Variants in CFHR4 observed in about 807,000 individuals in gnomAD.
CFHR4 encodes complement factor H-related protein 4.
A neutral mutation model predicts 69.3 loss-of-function variants in CFHR4; 64 were observed. The observed-to-expected ratio is 0.92, with a 90% CI of 0.76 to 1.14. The LOEUF is 1.14. Among genes scored for constraint, CFHR4 ranks in the 50% most tolerant of loss-of-function variants. The probability of loss-of-function intolerance (pLI) is 0.00; values close to 1 mark genes in which losing one functional copy is unlikely to be tolerated. For missense variants in CFHR4, 636 were observed against 684.9 expected (o/e 0.93, Z 0.80); for synonymous variants, 244 against 237.0 (o/e 1.03, Z -0.27).
chr1:196,902,923 T>G (rs1188202688), intron 2 of CFHR4, among the ~76,000 whole-genome samples: 2 of 151,590 alleles, frequency 1.3e-5, no homozygotes, highest in Non-Finnish European at 2.9e-5. Context: ...TTTTCTTGAG[T>G]CATACATCAT....
intron 1 of CFHR4, among the ~76,000 whole-genome samples, chr1:196,894,164 A>T (rs1475839814): frequency 6.6e-6 from 1 of 151,558 alleles, no homozygotes; most frequent in Non-Finnish European, 1.5e-5. Flanking sequence ...TTTACACATC[A>T]TGTGCCCAAA....
intron 1 of CFHR4, among the ~76,000 whole-genome samples, chr1:196,888,610 T>A (rs1453436914): frequency 6.6e-6 from 1 of 151,216 alleles, no homozygotes; most frequent in African/African-American, 2.4e-5. Context: ...CATACAGTGA[T>A]TTTTTATTGA....
intron 5 of CFHR4, among the ~76,000 whole-genome samples, chr1:196,909,976 ACT>A (rs1658150873): frequency 6.6e-6 from 1 of 150,936 alleles, no homozygotes. Flanking sequence ...ATATGGTAAA[ACT>A]CTGTGTCTAC....
At chr1:196,893,089 C>A (rs1246587590) in intron 1 of CFHR4, among the ~76,000 whole-genome samples, 1 of 151,648 alleles carries the variant, frequency 6.6e-6, no homozygotes, top group Non-Finnish European at 1.5e-5. Context: ...CACCAAATAG[C>A]ATATCTGTAA....
intron 1 of CFHR4, among the ~76,000 whole-genome samples, chr1:196,895,346 C>T (rs555774788): frequency 4.0e-5 from 6 of 151,510 alleles, no homozygotes; most frequent in African/African-American, 1.5e-4. Flanking sequence ...TCTATTAATG[C>T]CATTATTTCT....
chr1:196,913,114 T>A (rs577548616), intron 7 of CFHR4, among the ~76,000 whole-genome samples, 192 bp downstream of exon 7: 1 of 151,696 alleles, frequency 6.6e-6, no homozygotes, highest in South Asian at 2.1e-4. Context: ...GGGAAGATGA[T>A]CATTTCATCT....
At position 196,912,775 on chromosome 1, in the gene CFHR4, G is replaced by C; in HGVS notation, c.1033G>C (p.Gly345Arg). The change falls in exon 7 of 10, where the codon GGA becomes CGA. Residue 345 changes from glycine (G) to arginine (R), a missense_variant. This residue lies in a region of CFHR4 where 529 missense variants were observed against 533.2 expected (regional missense o/e 0.99). Transcript: ENST00000608469. ...AAAATCAGATATAGAAATTGAAAATGGATTCATTTCTGAATCTTCCTCTAT... is the reference window on the plus strand; with the variant it reads ...AAAATCAGATATAGAAATTGAAAATCGATTCATTTCTGAATCTTCCTCTAT... ...CSKSDIEIEN[G>R]FISESSSIYI... 1 of 1,596,208 alleles carries C rather than the reference G, an allele frequency of 6.3e-7. No individual in the cohort carries two copies. Among genetic ancestry groups the C allele is most frequent in the Non-Finnish European group, 8.5e-7 (1 of 1,171,548 alleles).
chr1:196,898,731 T>C (rs932030209), intron 1 of CFHR4, among the ~76,000 whole-genome samples: 3 of 151,566 alleles, frequency 2.0e-5, no homozygotes, highest in African/African-American at 7.3e-5. Context: ...TACTGTTTAG[T>C]TCTGTGTCAG....
In CFHR4 at chr1:196,916,215, C is replaced by G. The variant is rs187253131; in HGVS notation, c.1540+1077C>G. On this transcript the variant is annotated intron_variant, in intron 9 of 9. Transcript: ENST00000608469. ...CAACACAATTCAAAAAAATATAAGC[C>G]ACAATAATTATGGCAACAACAAGAA... 2.1e-3 allele frequency among the ~76,000 whole-genome samples: 314 copies of G among 151,516 alleles called. 3 individuals carry two copies. The highest frequency in any genetic ancestry group is 7.4e-3 in the Admixed American group (112 of 15,188).
chr1:196,910,361 G>C lies in CFHR4; in HGVS notation c.880G>C (p.Ala294Pro), dbSNP rs1413143757. 3.1e-6 allele frequency: 5 copies of C among 1,611,620 alleles called. No homozygotes were observed. The highest frequency in any genetic ancestry group is 2.2e-5 in the East Asian group (1 of 44,822). ...TACGCGTAGACCATACTTTCCAGTA[G>C]CTACAGGACAATCTTACTCCTATTA... ...ENTRRPYFPV[A>P]TGQSYSYYCD... The change falls in exon 6 of 10, where the codon GCT (alanine) becomes CCT (proline). Residue 294 changes from alanine (A) to proline (P), a missense_variant. By Grantham distance (27) the Ala-to-Pro change is conservative. This residue lies in a region of CFHR4 where 529 missense variants were observed against 533.2 expected (regional missense o/e 0.99). Transcript: ENST00000608469.
chr1:196,909,580 G>C (rs1195105796), intron 5 of CFHR4, among the ~76,000 whole-genome samples: 2 of 151,408 alleles, frequency 1.3e-5, no homozygotes, highest in Non-Finnish European at 2.9e-5. Flanking sequence ...TTGAAAGATG[G>C]ATTAAAATAT....
intron 9 of CFHR4, among the ~76,000 whole-genome samples, chr1:196,917,024 A>C (rs1658676512): frequency 6.6e-6 from 1 of 151,664 alleles, no homozygotes; most frequent in South Asian, 2.1e-4. Context: ...TTTAGAGTTC[A>C]AATAATATTT....
intron 1 of CFHR4, among the ~76,000 whole-genome samples, chr1:196,895,020 A>G (rs545362566): frequency 6.6e-6 from 1 of 151,634 alleles, no homozygotes; most frequent in East Asian, 1.9e-4. Flanking sequence ...TGATCACATC[A>G]TTGCATTCTG....
At chr1:196,917,301 A>G (rs909213979) in intron 9 of CFHR4, among the ~76,000 whole-genome samples, 1 of 151,960 alleles carries the variant, frequency 6.6e-6, no homozygotes, top group African/African-American at 2.4e-5. Context: ...TGACATTTTT[A>G]TCATGTAAGA....
At chr1:196,896,180 C>T (rs1004573786) in intron 1 of CFHR4, among the ~76,000 whole-genome samples, 1 of 149,990 alleles carries the variant, frequency 6.7e-6, no homozygotes, top group Non-Finnish European at 1.5e-5. Context: ...GAATCAGATT[C>T]TCCTCCTTCT....
At chr1:196,909,666 GAGAGA>G (rs1658128178) in intron 5 of CFHR4, among the ~76,000 whole-genome samples, 1 of 151,154 alleles carries the variant, frequency 6.6e-6, no homozygotes, top group South Asian at 2.1e-4. Flanking sequence ...GCATCAAAAG[GAGAGA>G]AGAGGAGTGA....
chr1:196,896,492 C>T lies in CFHR4; in HGVS notation c.59-5926C>T, dbSNP rs887247802. 3.4e-4 allele frequency among the ~76,000 whole-genome samples: 51 copies of T among 151,570 alleles called. 3 individuals carry two copies. Among genetic ancestry groups the T allele is most frequent in the African/African-American group, 1.2e-3 (50 of 41,062 alleles). On this transcript the variant is annotated intron_variant, in intron 1 of 9. Transcript: ENST00000608469. ...GCCGCCTATCTTTCTGTCTGCATCT[C>T]TGTGATCAAAGAACCCAGCAATCAG...
chr1:196,900,053 T>C (rs1657514349), intron 1 of CFHR4, among the ~76,000 whole-genome samples: 1 of 151,470 alleles, frequency 6.6e-6, no homozygotes, highest in Non-Finnish European at 1.5e-5. Context: ...CAAAGCTAAA[T>C]CTAAAAAAAT....
chr1:196,888,318 C>A, intron 1 of CFHR4, 110 bp downstream of exon 1: 1 of 1,043,000 alleles, frequency 9.6e-7, no homozygotes, highest in African/African-American at 1.7e-5. Flanking sequence ...GATATATTCA[C>A]TATGCTAGCA....
Sources: gnomAD v4.1 joint callset for allele counts (sites outside exome capture counted in the v4.1 genomes callset) on GRCh38, gnomAD v4.1.1 for gene constraint, gnomAD v4.1.1 regional missense constraint, MANE v1.5 for transcripts, NCBI Gene and HGNC (gene_info 2026-07-23, HGNC 2026-07-21) for gene names.